The following CR1 variants were observed in gnomAD, a reference collection of about 807,000 sequenced individuals.
CR1 encodes the protein complement C3b/C4b receptor 1 (Knops blood group).
CR1 carries 116 observed loss-of-function variants against 187.3 expected under a neutral mutation model. The ratio of observed to expected loss-of-function variants is 0.62; its 90% confidence interval spans 0.53 to 0.72. CR1 has a LOEUF of 0.72. Among genes scored for constraint, CR1 ranks in the 30% least tolerant of loss-of-function variants. The pLI, the probability that CR1 is intolerant of heterozygous loss-of-function variation, is 0.00. For synonymous variants in CR1, 576 were observed against 747.1 expected (o/e 0.77, Z 3.73); for missense variants, 1,731 against 2,110.7 (o/e 0.82, Z 3.52).
chr1:207,609,285 C>G lies in CR1; in HGVS notation c.5897-5C>G, dbSNP rs1334277869. 1 of 1,584,080 alleles carries G rather than the reference C, an allele frequency of 6.3e-7. No homozygotes were observed. The highest frequency in any genetic ancestry group is 1.1e-5 in the South Asian group (1 of 87,096). On this transcript the variant is annotated splice_polypyrimidine_tract_variant and splice_region_variant and intron_variant, in intron 36 of 46. Transcript: ENST00000367049. ...GCTGTTTTACCATACTCTTCCTTCT[C>G]TCAGTCATATCTTGTGAGCCACCTC...
chr1:207,625,050 C>T (rs1489994723), intron 45 of CR1, among the ~76,000 whole-genome samples: 3 of 152,182 alleles, frequency 2.0e-5, no homozygotes, highest in African/African-American at 7.2e-5. Flanking sequence ...GAGGGTCACA[C>T]TCCCAAGCCT....
At chr1:207,617,839 T>C (rs1158725342) in intron 41 of CR1, among the ~76,000 whole-genome samples, 1 of 151,606 alleles carries the variant, frequency 6.6e-6, no homozygotes, top group Non-Finnish European at 1.5e-5. Context: ...TACTCCCCCA[T>C]CTGATCTAGT....
At chr1:207,580,109 A>G (rs1660887222) in intron 29 of CR1, 131 bp from the exon 30 acceptor site, 3 of 1,304,336 alleles carry the variant, frequency 2.3e-6, no homozygotes, top group Admixed American at 2.4e-5. Context: ...TAGATTTACA[A>G]GTGAATTTGG....
intron 1 of CR1, among the ~76,000 whole-genome samples, chr1:207,497,055 C>T (rs1287333844): frequency 6.6e-6 from 1 of 152,196 alleles, no homozygotes; most frequent in African/African-American, 2.4e-5. Flanking sequence ...CCACACCAAG[C>T]CACCACGGCC....
intron 39 of CR1, 28 bp downstream of exon 39, chr1:207,612,069 G>A (rs757285653): frequency 3.7e-6 from 6 of 1,603,002 alleles, no homozygotes; most frequent in Non-Finnish European, 4.3e-6. Flanking sequence ...TTGAGACCAA[G>A]GACTCAGTGT....
At chr1:207,526,190 C>T (rs974165542) in intron 5 of CR1, among the ~76,000 whole-genome samples, 2 of 152,032 alleles carry the variant, frequency 1.3e-5, no homozygotes, top group African/African-American at 2.4e-5. Context: ...TGCTACATAG[C>T]ATGAGGAGAG....
chr1:207,620,121 A>G, intron 43 of CR1, 56 bp downstream of exon 43: 2 of 1,522,496 alleles, frequency 1.3e-6, no homozygotes, highest in South Asian at 2.5e-5. Context: ...TTGCTCATTC[A>G]TTCATCCATA....
chr1:207,576,889 A>T (rs191902950), intron 28 of CR1, among the ~76,000 whole-genome samples: 1 of 152,226 alleles, frequency 6.6e-6, no homozygotes, highest in Non-Finnish European at 1.5e-5. Context: ...TGCCTTCTAT[A>T]TAGAGAGAAC....
intron 4 of CR1, among the ~76,000 whole-genome samples, chr1:207,515,144 T>TATGTATATATACGTGTAC: frequency 7.7e-6 from 1 of 129,590 alleles, no homozygotes; most frequent in South Asian, 2.4e-4. Context: ...TATACGTGTA[T>TATGTATATATACGTGTAC]ACGTATATAT....
At chr1:207,566,012 A>G in intron 24 of CR1, 89 bp downstream of exon 24, 1 of 1,509,062 alleles carries the variant, frequency 6.6e-7, no homozygotes. Context: ...TGATTCTTCA[A>G]TATTCTAGTC....
chr1:207,616,459 A>T, intron 40 of CR1, 116 bp from the exon 41 acceptor site: 2 of 1,230,676 alleles, frequency 1.6e-6, no homozygotes, highest in Non-Finnish European at 2.2e-6. Flanking sequence ...CGTCTACCTT[A>T]GTTATATTCT....
chr1:207,504,351 T>G (rs1659363792), intron 1 of CR1, among the ~76,000 whole-genome samples: 1 of 152,198 alleles, frequency 6.6e-6, no homozygotes, highest in Admixed American at 6.5e-5. Flanking sequence ...CAGAGATATT[T>G]TATTATAATA....
chr1:207,629,235 G>T (rs1182132873), intron 45 of CR1, among the ~76,000 whole-genome samples: 1 of 151,996 alleles, frequency 6.6e-6, no homozygotes, highest in East Asian at 1.9e-4. Flanking sequence ...AGTTTCCATT[G>T]TTGTGATGTT....
At chr1:207,507,105 C>G (rs1572991691) in intron 3 of CR1, 1 of 286,916 alleles carries the variant, frequency 3.5e-6, no homozygotes, top group Admixed American at 5.3e-5. Context: ...ACACAAACAG[C>G]CTTAACGCAG....
chr1:207,630,080 C>T (rs917604967), intron 45 of CR1, among the ~76,000 whole-genome samples: 11 of 152,262 alleles, frequency 7.2e-5, no homozygotes, highest in Middle Eastern at 3.4e-3. Context: ...CTCCCCTAAC[C>T]GTGGATATTG....
chr1:207,577,741 C>T, intron 28 of CR1, 64 bp from the exon 29 acceptor site: 1 of 1,596,340 alleles, frequency 6.3e-7, no homozygotes, highest in South Asian at 1.1e-5. Flanking sequence ...TGCACTCCAG[C>T]CTGGGTGACA....
intron 27 of CR1, 104 bp from the exon 28 acceptor site, chr1:207,575,491 A>C (rs1558240290): frequency 3.5e-6 from 5 of 1,438,536 alleles, no homozygotes; most frequent in Non-Finnish European, 3.9e-6. Flanking sequence ...GCTAGGCCTT[A>C]GACTTCTCCT....
intron 35 of CR1, among the ~76,000 whole-genome samples, chr1:207,593,981 A>T (rs1279792925): frequency 6.6e-6 from 1 of 152,242 alleles, no homozygotes; most frequent in South Asian, 2.1e-4. Flanking sequence ...GTGGAGAAAT[A>T]GAAATGCTTT....
At chr1:207,628,718 T>C (rs1382749055) in intron 45 of CR1, among the ~76,000 whole-genome samples, 2 of 152,240 alleles carry the variant, frequency 1.3e-5, no homozygotes, top group African/African-American at 2.4e-5. Flanking sequence ...TCCAGAACTG[T>C]ACATAGTACA....
Sources: gnomAD v4.1 joint callset for allele counts (sites outside exome capture counted in the v4.1 genomes callset) on GRCh38, gnomAD v4.1.1 for gene constraint, MANE v1.5 for transcripts, NCBI Gene and HGNC (gene_info 2026-07-23, HGNC 2026-07-21) for gene names.